CCDC171: variants seen among roughly 807,000 people sequenced by gnomAD.
CCDC171 encodes coiled-coil domain containing 171, also known as coiled-coil domain-containing protein 171.
In CCDC171, 177 loss-of-function variants were observed where a neutral mutation model predicts 168.2. The observed-to-expected ratio is 1.05, with a 90% CI of 0.93 to 1.19. The LOEUF is 1.19. CCDC171 is among the 50% of genes most tolerant of loss of function. The pLI is 0.00. For missense variants in CCDC171, 1,991 were observed against 1,539.0 expected (o/e 1.29, Z -4.91); for synonymous variants, 687 against 540.8 (o/e 1.27, Z -3.75).
intron 21 of CCDC171, among the ~76,000 whole-genome samples, chr9:15,841,564 A>C (rs1019028790): frequency 3.9e-5 from 6 of 152,158 alleles, no homozygotes; most frequent in Admixed American, 1.3e-4. Context: ...AGGTATTACT[A>C]GAAAACAATA....
intron 16 of CCDC171, among the ~76,000 whole-genome samples, chr9:15,738,944 G>A (rs1469770700): frequency 1.3e-5 from 2 of 152,052 alleles, no homozygotes; most frequent in South Asian, 4.1e-4. Flanking sequence ...TTTATAAAGG[G>A]TTATTTAATT....
At chr9:15,591,804 T>C (rs73410289) in intron 5 of CCDC171, among the ~76,000 whole-genome samples, 5,452 of 152,240 alleles carry the variant, frequency 0.036, 340 homozygotes, top group African/African-American at 0.12. Context: ...AAAGCACTTA[T>C]ATGGGCATAT....
rs374438046 is a variant in CCDC171 at position 15,577,739 on chromosome 9, A to G, written c.178-1110A>G. Among the ~76,000 whole-genome samples the G allele has an allele frequency of 2.0e-5, 3 of 152,228 alleles. No individual in the cohort carries two copies. The East Asian group carries it at 5.8e-4, about 29-fold the overall frequency. ...GAGATTAAGACAACCCAACATTAAGAACTGCTTCTATTCCCAAGGTTGATT... is the reference window on the plus strand; with the variant it reads ...GAGATTAAGACAACCCAACATTAAGGACTGCTTCTATTCCCAAGGTTGATT... On this transcript the variant is annotated intron_variant, in intron 3 of 25. Coordinates refer to ENST00000380701, the MANE Select transcript of CCDC171 (RefSeq NM_173550.4).
At chr9:15,691,973 C>T (rs1474376532) in intron 10 of CCDC171, among the ~76,000 whole-genome samples, 1 of 152,194 alleles carries the variant, frequency 6.6e-6, no homozygotes, top group South Asian at 2.1e-4. Flanking sequence ...TGCACCCAGC[C>T]TTTCACTGAC....
At chr9:16,092,401 C>G in the CCDC171 span, among the ~76,000 whole-genome samples, 1 of 152,150 alleles carries the variant, frequency 6.6e-6, no homozygotes, top group East Asian at 1.9e-4. Flanking sequence ...CCAGGTGAGT[C>G]TGACAGAGTT....
Position 15,842,617 on chromosome 9 carries a change from C to T in CCDC171, c.3268-4085C>T, listed in dbSNP as rs576751243. Among the ~76,000 whole-genome samples, 4 of 151,772 alleles carry T rather than the reference C, an allele frequency of 2.6e-5. No homozygotes were observed. The East Asian group carries it at 5.8e-4, about 22-fold the overall frequency. ...TAAAGAATTTTACTTCAAAAAAGAC[C>T]TCTATTGGTGATAGTTGTACAACTC... On this transcript the variant is annotated intron_variant, in intron 21 of 25. Coordinates refer to ENST00000380701, the MANE Select transcript of CCDC171 (RefSeq NM_173550.4).
chr9:15,734,592 T>G (rs1338406440), intron 16 of CCDC171, among the ~76,000 whole-genome samples: 1 of 152,172 alleles, frequency 6.6e-6, no homozygotes, highest in Non-Finnish European at 1.5e-5. Context: ...TCTGTATTAT[T>G]TATGTACATA....
At chr9:16,018,246 C>T (rs1286018957) in intron 3 of CCDC171, among the ~76,000 whole-genome samples, 4 of 152,028 alleles carry the variant, frequency 2.6e-5, no homozygotes, top group Non-Finnish European at 5.9e-5. Flanking sequence ...CTACCAGAGG[C>T]CAGAAAGATA....
intron 25 of CCDC171, among the ~76,000 whole-genome samples, chr9:15,925,853 G>A (rs1445460241): frequency 1.3e-5 from 2 of 151,638 alleles, no homozygotes; most frequent in Admixed American, 6.6e-5. Context: ...AGCACTGAAT[G>A]TGTGCTCATT....
chr9:15,710,429 G>T (rs1355131781), intron 11 of CCDC171, among the ~76,000 whole-genome samples: 2 of 150,894 alleles, frequency 1.3e-5, no homozygotes, highest in African/African-American at 2.4e-5. Flanking sequence ...CAGCCTCCCA[G>T]GTAGCTGGGA....
chr9:15,785,038 A>G (rs190617352), intron 21 of CCDC171, among the ~76,000 whole-genome samples: 87 of 152,008 alleles, frequency 5.7e-4, no homozygotes, highest in African/African-American at 1.9e-3. Flanking sequence ...TTTGTACCCA[A>G]TGGACTTTGG....
intron 6 of CCDC171, among the ~76,000 whole-genome samples, chr9:15,606,254 A>G (rs1204122716): frequency 1.3e-5 from 2 of 152,224 alleles, no homozygotes; most frequent in Non-Finnish European, 2.9e-5. Flanking sequence ...GTAATCTCTT[A>G]TTGATGCACA....
At chr9:16,062,968 G>T (rs1833952577), downstream of CCDC171, among the ~76,000 whole-genome samples, 1 of 152,142 alleles carries the variant, frequency 6.6e-6, no homozygotes, top group Non-Finnish European at 1.5e-5. Context: ...CGAAGATGGG[G>T]CCAGGAGAGG....
At position 15,661,511 on chromosome 9, in the gene CCDC171, G is replaced by C. The variant is rs573543854; in HGVS notation, c.915+4292G>C. ...ATCTCAGTGCTATGACTTAGAAAAA[G>C]TGAAAAGTTTATATTTGAATCATAA... is the stretch of plus-strand genomic sequence containing the variant. On this transcript the variant is annotated intron_variant, in intron 8 of 25. Transcript: ENST00000380701. Among the ~76,000 whole-genome samples the C allele has an allele frequency of 2.0e-5, 3 of 152,196 alleles. No individual in the cohort carries two copies. The South Asian group carries it at 6.2e-4, about 32-fold the overall frequency.
chr9:15,909,346 T>C (rs1357275449), intron 24 of CCDC171, among the ~76,000 whole-genome samples: 1 of 152,154 alleles, frequency 6.6e-6, no homozygotes. Flanking sequence ...TTAATCAGGA[T>C]TCTTCTCAGC....
At chr9:16,026,025 A>T (rs1245263632) in intron 6 of CCDC171, among the ~76,000 whole-genome samples, 6 of 152,232 alleles carry the variant, frequency 3.9e-5, no homozygotes, top group African/African-American at 1.4e-4. Flanking sequence ...TACGGCTAGC[A>T]TCCACACTGG....
intron 1 of CCDC171, among the ~76,000 whole-genome samples, chr9:15,557,151 G>C (rs1440764607): frequency 2.0e-5 from 3 of 152,142 alleles, no homozygotes. Context: ...TAGCCTTGTA[G>C]TATAGTTTGA....
At chr9:15,991,083 A>G (rs1370672670) in intron 3 of CCDC171, among the ~76,000 whole-genome samples, 2 of 152,222 alleles carry the variant, frequency 1.3e-5, no homozygotes, top group African/African-American at 2.4e-5. Context: ...GACCTAATAG[A>G]TATCTACAGA....
At chr9:15,643,866 A>G (rs915721984) in intron 7 of CCDC171, among the ~76,000 whole-genome samples, 6 of 152,132 alleles carry the variant, frequency 3.9e-5, no homozygotes, top group African/African-American at 9.7e-5. Flanking sequence ...TTTTTTATAT[A>G]TGCTTTCAAG....
Sources: allele counts gnomAD v4.1 joint callset (sites outside exome capture counted in the v4.1 genomes callset), GRCh38; gene constraint gnomAD v4.1.1; transcripts MANE v1.5; gene names NCBI Gene and HGNC (gene_info 2026-07-23, HGNC 2026-07-21).